Variants in DGKI observed in about 807,000 individuals in gnomAD.
The protein encoded by DGKI is diacylglycerol kinase iota, also known as DAG kinase iota.
DGKI carries 55 observed loss-of-function variants against 147.5 expected under a neutral mutation model. That is an observed-to-expected ratio of 0.37 (90% CI 0.30 to 0.47). DGKI has a LOEUF of 0.47. Ranked by LOEUF, DGKI falls within the 20% of genes least tolerant of loss-of-function variation. The pLI, the probability that DGKI is intolerant of heterozygous loss-of-function variation, is 1.00. For missense variants in DGKI, 1,007 were observed against 1,323.8 expected (o/e 0.76, Z 3.71); for synonymous variants, 469 against 477.1 (o/e 0.98, Z 0.22).
chr7:137,600,835 T>C (rs112585831), intron 10 of DGKI, among the ~76,000 whole-genome samples: 2 of 152,230 alleles, frequency 1.3e-5, no homozygotes, highest in African/African-American at 4.8e-5. Flanking sequence ...ATGCCTATAC[T>C]GGTTTGTTTA....
chr7:137,654,924 T>C, intron 4 of DGKI, 136 bp from the exon 5 acceptor site: 2 of 588,684 alleles, frequency 3.4e-6, no homozygotes, highest in Non-Finnish European at 2.9e-6. Context: ...ATAATACTCT[T>C]CTTAGTCTTT....
At chr7:137,708,578 C>T (rs918644085) in intron 1 of DGKI, among the ~76,000 whole-genome samples, 2 of 152,192 alleles carry the variant, frequency 1.3e-5, no homozygotes, top group African/African-American at 4.8e-5. Flanking sequence ...GTTTTAGAAT[C>T]AGACTTTTAG....
chr7:137,822,861 A>G (rs1016238744), intron 1 of DGKI, among the ~76,000 whole-genome samples: 1 of 152,158 alleles, frequency 6.6e-6, no homozygotes. Flanking sequence ...AAGTATGATC[A>G]CAAAAAATTT....
chr7:137,703,280 C>T (rs539481805), intron 1 of DGKI, among the ~76,000 whole-genome samples: 4 of 152,264 alleles, frequency 2.6e-5, no homozygotes, highest in South Asian at 2.1e-4. Context: ...CTCACTATCA[C>T]GAGAACAGCA....
chr7:137,776,301 G>C (rs567524833), intron 1 of DGKI, among the ~76,000 whole-genome samples: 2 of 152,162 alleles, frequency 1.3e-5, no homozygotes, highest in Non-Finnish European at 2.9e-5. Context: ...TCAAACAAAA[G>C]ATTATACCCA....
At chr7:137,778,336 G>A (rs1420042088) in intron 1 of DGKI, among the ~76,000 whole-genome samples, 1 of 152,172 alleles carries the variant, frequency 6.6e-6, no homozygotes, top group African/African-American at 2.4e-5. Flanking sequence ...GCCAGAGAGT[G>A]CATAGGATAA....
intron 21 of DGKI, among the ~76,000 whole-genome samples, chr7:137,508,219 CTTTTTTT>C (rs1171968411): frequency 1.6e-4 from 15 of 92,526 alleles, no homozygotes; most frequent in African/African-American, 3.5e-4. Flanking sequence ...AGACAGGTTT[CTTTTTTT>C]TTTTTTTTTT....
At chr7:137,736,250 A>C (rs2116686508) in intron 1 of DGKI, among the ~76,000 whole-genome samples, 1 of 152,250 alleles carries the variant, frequency 6.6e-6, no homozygotes, top group Admixed American at 6.5e-5. Flanking sequence ...GAATGCTGGA[A>C]ACATCAGTAA....
intron 1 of DGKI, among the ~76,000 whole-genome samples, chr7:137,783,165 G>A (rs1184285342): frequency 3.9e-5 from 6 of 152,120 alleles, no homozygotes; most frequent in African/African-American, 1.2e-4. Flanking sequence ...TCAGAAGGCC[G>A]ACTATTAAGC....
At chr7:137,549,708 A>G (rs2128965237) in intron 20 of DGKI, among the ~76,000 whole-genome samples, 1 of 152,364 alleles carries the variant, frequency 6.6e-6, no homozygotes, top group South Asian at 2.1e-4. Flanking sequence ...AGGTGGAAGA[A>G]CACTTATAGA....
intron 1 of DGKI, among the ~76,000 whole-genome samples, chr7:137,839,493 C>T (rs530706009): frequency 1.3e-5 from 2 of 152,294 alleles, no homozygotes; most frequent in South Asian, 2.1e-4. Context: ...ATAGCATGTA[C>T]TTTGTGACTC....
At chr7:137,822,887 G>C (rs1797944430) in intron 1 of DGKI, among the ~76,000 whole-genome samples, 1 of 151,582 alleles carries the variant, frequency 6.6e-6, no homozygotes, top group Non-Finnish European at 1.5e-5. Flanking sequence ...TCCAGTGAAA[G>C]GATGGCAAAC....
intron 1 of DGKI, among the ~76,000 whole-genome samples, chr7:137,759,250 A>C (rs1338360078): frequency 6.6e-6 from 1 of 151,908 alleles, no homozygotes; most frequent in African/African-American, 2.4e-5. Flanking sequence ...TAGTTATCTT[A>C]GTTCACTGAG....
chr7:137,783,229 G>A (rs1349516047), intron 1 of DGKI, among the ~76,000 whole-genome samples: 4 of 152,226 alleles, frequency 2.6e-5, no homozygotes, highest in South Asian at 4.1e-4. Context: ...AATCAAAAAC[G>A]TGATACAGGA....
chr7:137,592,828 G>T (rs1223702842), intron 12 of DGKI, among the ~76,000 whole-genome samples: 1 of 152,188 alleles, frequency 6.6e-6, no homozygotes, highest in Non-Finnish European at 1.5e-5. Context: ...TAAAAGAAAT[G>T]TGCTTAAAAT....
rs115713426 is a variant in DGKI, at chr7:137,471,674, A to G, written c.2374-2055T>C. Reference sequence around the variant, plus strand: ...CTAAAGTTACCGAACAAAAGGATGCATCTTAGTAAACTAGAAACCTGGAGT... The same window carrying G: ...CTAAAGTTACCGAACAAAAGGATGCGTCTTAGTAAACTAGAAACCTGGAGT... On this transcript the variant is annotated intron_variant, in intron 23 of 32. Coordinates refer to ENST00000614521, the MANE Select transcript of DGKI (RefSeq NM_001321708.2). Among the ~76,000 whole-genome samples the G allele has an allele frequency of 6.5e-3, 990 of 152,206 alleles. 14 individuals are homozygous for G. Among genetic ancestry groups the G allele is most frequent in the African/African-American group, 0.023 (937 of 41,528 alleles).
At position 137,609,469 on chromosome 7, in the gene DGKI, C is replaced by T; in HGVS notation, c.1068+66G>A. ...AGAAAAATCAACTTGGACCAGATCT[C>T]ATAGGACAGAGTAGACTATGGAAAG... On this transcript the variant is annotated intron_variant, in intron 9 of 32. Transcript: ENST00000614521. The T allele has an allele frequency of 2.4e-6, 3 of 1,272,760 alleles. No homozygotes were observed. The Admixed American group carries it at 5.3e-5, about 22-fold the overall frequency. The allele number at this position is 1,272,760 out of a possible 1,614,324, so 78.8% of individuals were successfully genotyped here.
At chr7:137,680,808 A>G (rs902743277) in intron 2 of DGKI, among the ~76,000 whole-genome samples, 1 of 152,152 alleles carries the variant, frequency 6.6e-6, no homozygotes, top group African/African-American at 2.4e-5. Context: ...AAAAAGGAAT[A>G]TACACTAAAT....
chr7:137,483,231 C>G (rs917717911), intron 23 of DGKI, among the ~76,000 whole-genome samples: 1 of 152,026 alleles, frequency 6.6e-6, no homozygotes, highest in Non-Finnish European at 1.5e-5. Context: ...CCAAAAATGA[C>G]TACATCGTAT....
Sources: allele counts gnomAD v4.1 joint callset (sites outside exome capture counted in the v4.1 genomes callset), GRCh38; gene constraint gnomAD v4.1.1; transcripts MANE v1.5; gene names NCBI Gene and HGNC (gene_info 2026-07-23, HGNC 2026-07-21).